The following SPG11 variants were observed in gnomAD, a reference collection of about 807,000 sequenced individuals.
SPG11 encodes spatacsin.
SPG11 carries 222 observed loss-of-function variants against 274.0 expected under a neutral mutation model. That is an observed-to-expected ratio of 0.81 (90% CI 0.73 to 0.91). The LOEUF is 0.91. Ranked by LOEUF, SPG11 falls within the 40% of genes least tolerant of loss-of-function variation. The pLI is 0.00. For missense variants in SPG11, 3,114 were observed against 2,872.7 expected, an observed-to-expected ratio of 1.08 and a Z score of -1.92; for synonymous variants, 1,144 against 1,039.7, an observed-to-expected ratio of 1.10 and a Z score of -1.93.
Position 44,663,602 on chromosome 15 carries a change from T to A in SPG11, c.46A>T (p.Ser16Cys). The change falls in exon 1 of 40, where the codon AGC (serine) becomes TGC (cysteine). Residue 16 changes from serine (S) to cysteine (C), a missense_variant. Physicochemically the swap from Ser to Cys is moderately radical, Grantham distance 112 (BLOSUM62 -1). Transcript: ENST00000261866. ...GVASAASAGG[S>C]WGTAAMGRVL... is the part of the protein sequence containing the mutation. Reference sequence around the variant, plus strand: ...CGCCCCATGGCCGCGGTGCCCCAGCTACCGCCGGCGGAAGCAGCACTCGCG... The same window carrying A: ...CGCCCCATGGCCGCGGTGCCCCAGCAACCGCCGGCGGAAGCAGCACTCGCG... 1 of 1,596,578 alleles carries A rather than the reference T, an allele frequency of 6.3e-7. No individual in the cohort carries two copies. Among genetic ancestry groups the A allele is most frequent in the Non-Finnish European group, 8.5e-7 (1 of 1,175,248 alleles).
intron 20 of SPG11, among the ~76,000 whole-genome samples, chr15:44,603,440 C>A (rs2083245569): frequency 6.6e-6 from 1 of 152,144 alleles, no homozygotes; most frequent in Non-Finnish European, 1.5e-5. Context: ...AATTACCCTC[C>A]TATAACCTCC....
chr15:44,583,151 C>G (rs1044117933), intron 30 of SPG11, among the ~76,000 whole-genome samples: 7 of 152,140 alleles, frequency 4.6e-5, no homozygotes, highest in African/African-American at 1.7e-4. Context: ...CTAGAATAAG[C>G]AAGTTTAACA....
At chr15:44,608,016 C>T (rs183505244) in intron 19 of SPG11, among the ~76,000 whole-genome samples, 84 of 152,298 alleles carry the variant, frequency 5.5e-4, no homozygotes, top group African/African-American at 1.7e-3. Flanking sequence ...CTTTGCCCTT[C>T]GGCTACCAGA....
rs2082372397 is a variant in SPG11 at position 44,569,424 on chromosome 15, C to T, written c.6559G>A (p.Val2187Met). 6.2e-7 allele frequency: 1 copy of T among 1,605,736 alleles called. No individual in the cohort carries two copies. Among genetic ancestry groups the T allele is most frequent in the Non-Finnish European group, 8.5e-7 (1 of 1,175,506 alleles). Residue 2187 changes from valine to methionine, a missense_variant, in exon 35 of 40, where the codon GTG (valine) becomes ATG (methionine). Transcript: ENST00000261866. ...GGATCCAACTTCTTCCTCATTAGCACTTCAAAGTAGTGCTTTTTATGCAGC... is the reference window on the plus strand; with the variant it reads ...GGATCCAACTTCTTCCTCATTAGCATTTCAAAGTAGTGCTTTTTATGCAGC... ...DLLHKKHYFE[V>M]LMRKKLDPSG...
intron 7 of SPG11, among the ~76,000 whole-genome samples, chr15:44,636,935 A>AAAACAAC (rs2084281533): frequency 8.4e-6 from 1 of 119,266 alleles, no homozygotes; most frequent in Non-Finnish European, 1.8e-5. Flanking sequence ...CAAAAAAAAA[A>AAAACAAC]AAAAAAAAAA....
At position 44,563,113 on chromosome 15, in the gene SPG11, G is replaced by T. The variant is rs768188840; in HGVS notation, c.*8C>A. 1 of 1,613,664 alleles carries T rather than the reference G, an allele frequency of 6.2e-7. No homozygotes were observed. The highest frequency in any genetic ancestry group is 2.2e-5 in the East Asian group (1 of 44,862). On this transcript the variant is annotated 3_prime_UTR_variant, in exon 40 of 40. Coordinates refer to ENST00000261866, the MANE Select transcript of SPG11 (RefSeq NM_025137.4). The stretch of plus-strand genomic sequence containing the variant: ...ACAGTACAAGAAAACAGACACCTAT[G>T]AAATCATCTAACCTGCTAGCATGTC...
At chr15:44,605,611 G>C (rs1294697226) in intron 20 of SPG11, among the ~76,000 whole-genome samples, 3 of 152,178 alleles carry the variant, frequency 2.0e-5, no homozygotes. Flanking sequence ...AATGTGTTCG[G>C]TGGTCACTGT....
intron 8 of SPG11, among the ~76,000 whole-genome samples, chr15:44,631,605 A>C (rs1335114527): frequency 6.6e-6 from 1 of 151,996 alleles, no homozygotes; most frequent in African/African-American, 2.4e-5. Context: ...TTGTAAGATG[A>C]AGAGAGACAG....
At position 44,584,502 on chromosome 15, in the gene SPG11, T is replaced by C; in HGVS notation, c.5178A>G (p.Ala1726=). 6.2e-7 allele frequency: 1 copy of C among 1,613,962 alleles called. No individual in the cohort carries two copies. The highest frequency in any genetic ancestry group is 8.5e-7 in the Non-Finnish European group (1 of 1,180,040). Residue 1726 remains alanine (A), a synonymous_variant, in exon 30 of 40, where the codon GCA becomes GCG. Coordinates refer to ENST00000261866, the MANE Select transcript of SPG11 (RefSeq NM_025137.4). ...KHIEQWSLKQ[A]RIDFWKKCHE... is the part of the protein sequence containing the mutation. ...GGCATTTTTTCCAGAAGTCAATTCT[T>C]GCTTGTTTTAGTGACCACTGTTCAA...
At chr15:44,622,113 G>A (rs1469858757) in intron 13 of SPG11, 107 bp downstream of exon 13, 4 of 1,322,476 alleles carry the variant, frequency 3.0e-6, no homozygotes, top group East Asian at 2.3e-5. Flanking sequence ...TCTCCAAGGA[G>A]AATGCAGGCT....
In SPG11 at chr15:44,573,432, C is replaced by T. The variant is rs781018905; in HGVS notation, c.6205+115G>A. On this transcript the variant is annotated intron_variant, in intron 32 of 39. Transcript: ENST00000261866. The stretch of plus-strand genomic sequence containing the variant: ...TTAAACAAAATACATTACTGCAATC[C>T]AGAAACTTGAGAGAACCACATACAG... 17 of 1,143,718 alleles carry T rather than the reference C, an allele frequency of 1.5e-5. No individual in the cohort carries two copies. The Admixed American group carries it at 2.7e-4, about 18-fold the overall frequency. 70.8% of individuals were successfully genotyped at this position (1,143,718 alleles called of 1,614,324 possible). A position where few individuals can be genotyped will look rare whatever the true frequency, so the allele number is the denominator to read the frequency against.
rs373292937 is a variant in SPG11 at position 44,608,474 on chromosome 15, T to C, written c.3423A>G (p.Pro1141=). Residue 1141 remains proline, a synonymous_variant, in exon 19 of 40, where the codon CCA becomes CCG. Transcript: ENST00000261866. ...TAAGGTGGTAGATTGTAATATCAGATGGCAGGACACTAGGAGGAGTGCACT... is the reference window on the plus strand; with the variant it reads ...TAAGGTGGTAGATTGTAATATCAGACGGCAGGACACTAGGAGGAGTGCACT... ...FPQCTPPSVL[P]SDITIYHLIQ... 7 of 1,614,018 alleles carry C rather than the reference T, an allele frequency of 4.3e-6. No homozygotes were observed. In the African/African-American group the frequency reaches 6.7e-5, roughly 15 times the overall value.
chr15:44,565,607 T>C (rs1199803836), intron 38 of SPG11, among the ~76,000 whole-genome samples: 1 of 152,194 alleles, frequency 6.6e-6, no homozygotes, highest in Non-Finnish European at 1.5e-5. Flanking sequence ...GGTGTCTGCC[T>C]CTCTGCTGGC....
intron 28 of SPG11, 143 bp from the exon 29 acceptor site, chr15:44,585,993 T>G (rs944615592): frequency 1.3e-5 from 9 of 687,636 alleles, no homozygotes; most frequent in African/African-American, 3.8e-5. Context: ...GTTTTTTTTT[T>G]TTTTTTTTTT....
intron 7 of SPG11, among the ~76,000 whole-genome samples, chr15:44,636,887 T>C (rs1166874743): frequency 7.0e-5 from 9 of 129,052 alleles, no homozygotes; most frequent in Middle Eastern, 5.3e-3. Context: ...GATCGCATCA[T>C]TGCACTCCGG....
chr15:44,596,459 GA>G, intron 24 of SPG11, 104 bp from the exon 25 acceptor site: 7 of 1,295,254 alleles, frequency 5.4e-6, no homozygotes, highest in Non-Finnish European at 5.5e-6. Context: ...TTCTCACCCT[GA>G]ACTAAGTCAG....
chr15:44,607,560 C>T (rs1252785223), intron 19 of SPG11, among the ~76,000 whole-genome samples: 2 of 152,180 alleles, frequency 1.3e-5, no homozygotes, highest in African/African-American at 4.8e-5. Context: ...TGAGCCACTG[C>T]ACCCGGCTCC....
chr15:44,608,629 G>T, intron 18 of SPG11, 24 bp from the exon 19 acceptor site: 3 of 1,610,740 alleles, frequency 1.9e-6, no homozygotes, highest in Non-Finnish European at 2.5e-6. Context: ...CAGATAACAG[G>T]TTGGACAGTA....
chr15:44,623,765 CT>C (rs545203220), intron 11 of SPG11, among the ~76,000 whole-genome samples: 2 of 151,014 alleles, frequency 1.3e-5, no homozygotes, highest in African/African-American at 2.4e-5. Flanking sequence ...TTTTCTTTTT[CT>C]TTTTTTTTGA....
Sources: allele counts gnomAD v4.1 joint callset (sites outside exome capture counted in the v4.1 genomes callset), GRCh38; gene constraint gnomAD v4.1.1; transcripts MANE v1.5; gene names NCBI Gene and HGNC (gene_info 2026-07-23, HGNC 2026-07-21).